HIVEP2: variants seen among roughly 807,000 people sequenced by gnomAD.
The protein encoded by HIVEP2 is transcription factor HIVEP2.
In HIVEP2, 14 loss-of-function variants were observed where a neutral mutation model predicts 180.7. The observed-to-expected ratio is 0.08, with a 90% CI of 0.05 to 0.12. HIVEP2 has a LOEUF of 0.12. HIVEP2 is among the 10% of genes least tolerant of loss of function. HIVEP2 has a pLI of 1.00. For synonymous variants in HIVEP2, 1,184 were observed against 1,136.4 expected (o/e 1.04, Z -0.84); for missense variants, 2,579 against 3,008.5 (o/e 0.86, Z 3.34).
At chr6:142,803,494 T>A (rs1294484035) in intron 2 of HIVEP2, among the ~76,000 whole-genome samples, 1 of 151,674 alleles carries the variant, frequency 6.6e-6, no homozygotes, top group African/African-American at 2.4e-5. Flanking sequence ...GTGAAGCAAC[T>A]GCTGTCTGCA....
chr6:142,855,544 T>G (rs1173675739), intron 1 of HIVEP2, among the ~76,000 whole-genome samples: 1 of 152,248 alleles, frequency 6.6e-6, no homozygotes, highest in African/African-American at 2.4e-5. Context: ...GAGCCTTTAA[T>G]TTTAATGGGC....
intron 1 of HIVEP2, among the ~76,000 whole-genome samples, chr6:142,870,963 T>C (rs1776277866): frequency 6.6e-6 from 1 of 152,178 alleles, no homozygotes; most frequent in Non-Finnish European, 1.5e-5. Context: ...CATATAGATA[T>C]ACTGAATCTT....
chr6:142,774,487 A>G lies in HIVEP2; in HGVS notation c.252T>C (p.Tyr84=). 6.2e-7 allele frequency: 1 copy of G among 1,614,104 alleles called. No individual in the cohort carries two copies. The highest frequency in any genetic ancestry group is 8.5e-7 in the Non-Finnish European group (1 of 1,180,012). ...EVVQQVAEKQ[Y]PPHRPSPYSC... is the part of the protein sequence containing the mutation. ...AGTAAGGACTCGGACGATGCGGTGG[A>G]TATTGCTTCTCTGCGACTTGCTGCA... Residue 84 remains tyrosine, a synonymous_variant, in exon 5 of 10, where the codon TAT becomes TAC. Transcript: ENST00000367603. The surrounding 1 kb of genome is among the most constrained non-coding windows in gnomAD (Gnocchi z 5.1).
intron 1 of HIVEP2, among the ~76,000 whole-genome samples, chr6:142,905,132 A>T (rs547962876): frequency 3.3e-5 from 5 of 152,322 alleles, no homozygotes; most frequent in African/African-American, 1.2e-4. Context: ...TCCTTCCTCC[A>T]TTGTATGAAA....
At chr6:142,816,223 C>T (rs956277846) in intron 2 of HIVEP2, among the ~76,000 whole-genome samples, 3 of 152,162 alleles carry the variant, frequency 2.0e-5, no homozygotes, top group South Asian at 4.1e-4. Flanking sequence ...AAAGACAAGG[C>T]TTTCCAGGAG....
chr6:142,912,685 G>C (rs60079297), intron 1 of HIVEP2, among the ~76,000 whole-genome samples: 2,787 of 152,332 alleles, frequency 0.018, 97 homozygotes, highest in African/African-American at 0.064. Context: ...AACCGACTGT[G>C]AACCGCGCAT....
At chr6:142,922,625 G>C (rs199865019) in intron 1 of HIVEP2, among the ~76,000 whole-genome samples, 1 of 152,102 alleles carries the variant, frequency 6.6e-6, no homozygotes, top group East Asian at 1.9e-4. Context: ...GGGGATAAAC[G>C]TAACTTGCCA....
chr6:142,829,376 T>C (rs1582895778), intron 2 of HIVEP2, among the ~76,000 whole-genome samples: 1 of 152,156 alleles, frequency 6.6e-6, no homozygotes, highest in African/African-American at 2.4e-5. Flanking sequence ...TCGCCACCTA[T>C]CAAAACCTTG....
In HIVEP2 at chr6:142,773,813, C is replaced by T. The variant is rs1226689593; in HGVS notation, c.926G>A (p.Gly309Asp). The T allele has an allele frequency of 6.2e-7, 1 of 1,613,722 alleles. No individual in the cohort carries two copies. Among genetic ancestry groups the T allele is most frequent in the African/African-American group, 1.3e-5 (1 of 74,918 alleles). The change falls in exon 5 of 10, where the codon GGC (glycine) becomes GAC (aspartate). Residue 309 changes from glycine (G) to aspartate (D), a missense_variant. Gly to Asp is a moderately conservative substitution (Grantham distance 94). Coordinates refer to ENST00000367603, the MANE Select transcript of HIVEP2 (RefSeq NM_006734.4). ...PPIPLDIASR[G>D]GYHGSLEESL... ...TTCTTCCAATGACCCATGATAGCCG[C>T]CTCTGCTGGCAATGTCCAGTGGGAT...
chr6:142,880,183 T>C (rs929820020), intron 1 of HIVEP2, among the ~76,000 whole-genome samples: 8 of 152,154 alleles, frequency 5.3e-5, no homozygotes, highest in African/African-American at 1.9e-4. Context: ...TCAGCTCTCA[T>C]ATTCTCTCTT....
chr6:142,861,039 T>A (rs1277475177), intron 1 of HIVEP2, among the ~76,000 whole-genome samples: 2 of 152,198 alleles, frequency 1.3e-5, no homozygotes, highest in Non-Finnish European at 2.9e-5. Context: ...TAAAATCTAC[T>A]CAGACAGTAT....
intron 2 of HIVEP2, among the ~76,000 whole-genome samples, chr6:142,821,108 A>G (rs1374200468): frequency 2.0e-5 from 3 of 152,208 alleles, no homozygotes; most frequent in Admixed American, 1.3e-4. Context: ...AGCATTTTGC[A>G]GCATTACTAA....
chr6:142,752,891 T>C lies in HIVEP2; in HGVS notation c.*216A>G. 1.9e-6 allele frequency: 1 copy of C among 523,268 alleles called. No individual in the cohort carries two copies. Among genetic ancestry groups the C allele is most frequent in the Non-Finnish European group, 3.4e-6 (1 of 295,010 alleles). 32.4% of individuals were successfully genotyped at this position (523,268 alleles called of 1,614,324 possible). On this transcript the variant is annotated 3_prime_UTR_variant, in exon 10 of 10. Coordinates refer to ENST00000367603, the MANE Select transcript of HIVEP2 (RefSeq NM_006734.4). ...ACAAACATCTGTACAATTTTAAAAG[T>C]ACCAGACCCAATAGGTTAATTTCAA...
chr6:142,876,528 C>A (rs1429385928), intron 1 of HIVEP2, among the ~76,000 whole-genome samples: 6 of 151,960 alleles, frequency 3.9e-5, no homozygotes, highest in Admixed American at 3.9e-4. Flanking sequence ...TAGTAGACAG[C>A]AAAAATGGAG....
chr6:142,769,911 G>C lies in HIVEP2; in HGVS notation c.4828C>G (p.Arg1610Gly), dbSNP rs1443329539. 6.2e-7 allele frequency: 1 copy of C among 1,613,908 alleles called. No individual in the cohort carries two copies. The highest frequency in any genetic ancestry group is 1.3e-5 in the African/African-American group (1 of 74,942). Reference protein sequence around the residue: ...GHKRPVGMLVRMASAPSGNVA... With the variant: ...GHKRPVGMLVGMASAPSGNVA... ...TTCCCGCTGGGGGCAGAGGCCATGC[G>C]GACCAGCATGCCAACAGGCCGCTTG... The change falls in exon 5 of 10, where the codon CGC becomes GGC. Residue 1610 changes from arginine to glycine, a missense_variant. Physicochemically the swap from Arg to Gly is moderately radical, Grantham distance 125. Around this residue, in one of 11 missense-constraint regions of HIVEP2, gnomAD observed 349 missense variants for 367.2 expected, o/e 0.95. Coordinates refer to ENST00000367603, the MANE Select transcript of HIVEP2 (RefSeq NM_006734.4).
chr6:142,936,858 T>C (rs985097400), intron 1 of HIVEP2, among the ~76,000 whole-genome samples: 3 of 152,012 alleles, frequency 2.0e-5, no homozygotes, highest in African/African-American at 4.8e-5. Flanking sequence ...TTTTTGTCTA[T>C]TGATGGATCT....
rs776977005 is a variant in HIVEP2, at chr6:142,772,057, G to A, written c.2682C>T (p.Thr894=). 3.2e-5 allele frequency: 51 copies of A among 1,613,984 alleles called. No homozygotes were observed. The highest frequency in any genetic ancestry group is 4.0e-5 in the Non-Finnish European group (47 of 1,180,028). Residue 894 remains threonine, a synonymous_variant, in exon 5 of 10, where the codon ACC becomes ACT. Coordinates refer to ENST00000367603, the MANE Select transcript of HIVEP2 (RefSeq NM_006734.4). The surrounding 1 kb of genome is among the most constrained non-coding windows in gnomAD (Gnocchi z 4.9). The part of the protein sequence containing the change: ...HNIQVPEIRV[T]EEPDKPEKEK... ...CCTTCTCAGGTTTATCAGGCTCCTC[G>A]GTCACTCGAATCTCAGGAACCTGGA...
At chr6:142,876,932 G>T (rs198682) in intron 1 of HIVEP2, among the ~76,000 whole-genome samples, 128,567 of 152,096 alleles carry the variant, frequency 0.85, 55,027 homozygotes, top group African/African-American at 0.94. Context: ...GCCTATAGTC[G>T]CAGCTACTCA....
intron 2 of HIVEP2, among the ~76,000 whole-genome samples, chr6:142,814,541 A>G (rs116878031): frequency 3.7e-4 from 57 of 152,236 alleles, no homozygotes; most frequent in Non-Finnish European, 7.5e-4. Flanking sequence ...AAGAAGAAGA[A>G]TTGACAGAAT....
Sources: gnomAD v4.1 joint callset for allele counts (sites outside exome capture counted in the v4.1 genomes callset) on GRCh38, gnomAD v4.1.1 for gene constraint, gnomAD v4.1.1 regional missense constraint, Gnocchi (gnomAD v3.1) non-coding constraint, MANE v1.5 for transcripts, NCBI Gene and HGNC (gene_info 2026-07-23, HGNC 2026-07-21) for gene names.